Variants in PDE8B observed in about 807,000 individuals in gnomAD.
PDE8B encodes the protein high affinity cAMP-specific and IBMX-insensitive 3',5'-cyclic phosphodiesterase 8B.
PDE8B carries 26 observed loss-of-function variants against 101.3 expected under a neutral mutation model. The ratio of observed to expected loss-of-function variants is 0.26; its 90% CI spans 0.19 to 0.36. The LOEUF is 0.36. PDE8B is among the 10% of genes least tolerant of loss of function. PDE8B has a pLI of 1.00. For missense variants in PDE8B, 810 were observed against 1,163.1 expected (o/e 0.70, Z 4.42); for synonymous variants, 424 against 429.3 (o/e 0.99, Z 0.15).
At chr5:77,240,264 C>T (rs959252291) in intron 1 of PDE8B, among the ~76,000 whole-genome samples, 5 of 152,182 alleles carry the variant, frequency 3.3e-5, no homozygotes, top group Admixed American at 2.6e-4. Flanking sequence ...CGCCATTCTC[C>T]TGCCTCAGCC....
At chr5:77,400,380 TCTA>T (rs954947760) in intron 11 of PDE8B, 90 bp downstream of exon 11, 11 of 866,042 alleles carry the variant, frequency 1.3e-5, no homozygotes, top group Non-Finnish European at 2.0e-5. Flanking sequence ...TAAGTTGACA[TCTA>T]CTACCCCAGA....
chr5:77,103,211 T>C, the PDE8B span, among the ~76,000 whole-genome samples: 2 of 152,208 alleles, frequency 1.3e-5, no homozygotes, highest in Admixed American at 1.3e-4. Context: ...CTTGGTTTAA[T>C]AGGGAGAAAT....
rs188645202 is a variant in PDE8B, at chr5:77,405,682, G to T, written c.1288+885G>T. Among the ~76,000 whole-genome samples, 89 of 152,264 alleles carry T rather than the reference G, an allele frequency of 5.8e-4. 1 individual carries two copies. The highest frequency in any genetic ancestry group is 5.8e-3 in the Admixed American group (89 of 15,298). ...TAGGGCCAGTAAAGAGGACAGAAGAGCTGGGGGTGACCATGAGAGTGCAGT... is the reference window on the plus strand; with the variant it reads ...TAGGGCCAGTAAAGAGGACAGAAGATCTGGGGGTGACCATGAGAGTGCAGT... On this transcript the variant is annotated intron_variant, in intron 12 of 21. Transcript: ENST00000264917.
the PDE8B span, among the ~76,000 whole-genome samples, chr5:77,195,570 G>T: frequency 6.6e-6 from 1 of 152,030 alleles, no homozygotes; most frequent in African/African-American, 2.4e-5. Flanking sequence ...GGTAAGGGAT[G>T]CTGACCCCCT....
intron 1 of PDE8B, among the ~76,000 whole-genome samples, chr5:77,228,678 G>A (rs1316669050): frequency 6.6e-6 from 1 of 152,058 alleles, no homozygotes; most frequent in East Asian, 1.9e-4. Flanking sequence ...ACATATAGAA[G>A]GTATCAGAAA....
At chr5:77,265,892 A>G (rs1761604155) in intron 1 of PDE8B, among the ~76,000 whole-genome samples, 1 of 151,528 alleles carries the variant, frequency 6.6e-6, no homozygotes, top group South Asian at 2.1e-4. Context: ...TAGATGCAGA[A>G]TAGTTCCTTC....
chr5:77,328,155 A>T (rs149225146), intron 3 of PDE8B, among the ~76,000 whole-genome samples: 1 of 152,256 alleles, frequency 6.6e-6, no homozygotes, highest in Non-Finnish European at 1.5e-5. Context: ...AGACCAAGAG[A>T]ATAGGTCAAA....
chr5:77,158,297 C>G, the PDE8B span, among the ~76,000 whole-genome samples: 3 of 152,152 alleles, frequency 2.0e-5, no homozygotes, highest in African/African-American at 7.2e-5. Context: ...TGTAGTGATT[C>G]AAGTCAACAA....
At chr5:77,246,372 A>G (rs1756949521) in intron 1 of PDE8B, among the ~76,000 whole-genome samples, 1 of 152,208 alleles carries the variant, frequency 6.6e-6, no homozygotes, top group African/African-American at 2.4e-5. Context: ...GAGGTCAGGA[A>G]GAGAAAACAA....
At chr5:77,410,708 T>G (rs1008329595) in intron 14 of PDE8B, 5 of 152,180 alleles carry the variant, frequency 3.3e-5, no homozygotes, top group Admixed American at 2.0e-4. Context: ...ATTTACTCAG[T>G]TTTTAAAATT....
chr5:77,421,642 C>T (rs1796666681), intron 19 of PDE8B, among the ~76,000 whole-genome samples, 179 bp from the exon 20 acceptor site: 1 of 151,920 alleles, frequency 6.6e-6, no homozygotes, highest in Non-Finnish European at 1.5e-5. Context: ...TCAGTATATT[C>T]TTTTTTTAAA....
In PDE8B at chr5:77,336,197, T is replaced by C. The variant is rs530492558; in HGVS notation, c.709-1030T>C. Among the ~76,000 whole-genome samples the C allele has an allele frequency of 2.3e-3, 353 of 152,064 alleles. 2 individuals are homozygous for C. The highest frequency in any genetic ancestry group is 8.2e-3 in the African/African-American group (340 of 41,490). Reference sequence around the variant, plus strand: ...GTTTATTTATAAATACATGAAAGCCTTTTTTTTCAATTGAGATGAAACTAA... The same window carrying C: ...GTTTATTTATAAATACATGAAAGCCCTTTTTTTCAATTGAGATGAAACTAA... On this transcript the variant is annotated intron_variant, in intron 5 of 21. Coordinates refer to ENST00000264917, the MANE Select transcript of PDE8B (RefSeq NM_003719.5).
chr5:77,091,871 A>G, the PDE8B span, among the ~76,000 whole-genome samples: 3 of 152,232 alleles, frequency 2.0e-5, no homozygotes, highest in African/African-American at 7.2e-5. Context: ...ATTAGTTCAT[A>G]GAGGAGTTTT....
intron 2 of PDE8B, among the ~76,000 whole-genome samples, chr5:77,317,828 T>G (rs1774095380): frequency 6.6e-6 from 1 of 151,928 alleles, no homozygotes; most frequent in Admixed American, 6.6e-5. Flanking sequence ...TGACCTAAGC[T>G]TTTTCTTAGC....
chr5:77,149,636 A>G, the PDE8B span, among the ~76,000 whole-genome samples: 1 of 152,054 alleles, frequency 6.6e-6, no homozygotes, highest in African/African-American at 2.4e-5. Flanking sequence ...AATTTTTTTA[A>G]TTTTATTTTT....
chr5:77,259,692 A>G (rs1230046085), intron 1 of PDE8B, among the ~76,000 whole-genome samples: 1 of 152,224 alleles, frequency 6.6e-6, no homozygotes, highest in Non-Finnish European at 1.5e-5. Context: ...TCACCCAGCA[A>G]GTCCCCAGCT....
rs71606290 is a variant in PDE8B, at chr5:77,397,026, A to ATTTTTTTTTTTTTTTTTTTTT, written c.1168-3218_1168-3198dup. Among the ~76,000 whole-genome samples the ATTTTTTTTTTTTTTTTTTTTT allele has an allele frequency of 8.6e-4, 73 of 84,400 alleles. 9 individuals carry two copies. Among genetic ancestry groups the ATTTTTTTTTTTTTTTTTTTTT allele is most frequent in the African/African-American group, 2.8e-3 (51 of 18,228 alleles). The allele number at this position is 84,400 out of a possible 152,430, so 55.4% of individuals were successfully genotyped here. A position where few individuals can be genotyped will look rare whatever the true frequency, so the allele number is the denominator to read the frequency against. On this transcript the variant is annotated intron_variant, in intron 10 of 21. Coordinates refer to ENST00000264917, the MANE Select transcript of PDE8B (RefSeq NM_003719.5). ...TTGGTTTCTATATTTCCGATAAGAA[A>ATTTTTTTTTTTTTTTTTTTTT]TTTTTTTTTTTTTTTTTTTTTTTTG...
chr5:77,289,538 T>C (rs775973779), intron 1 of PDE8B, among the ~76,000 whole-genome samples: 7 of 152,218 alleles, frequency 4.6e-5, no homozygotes, highest in Non-Finnish European at 1.0e-4. Context: ...ATGGGGCAGG[T>C]TGGAAGTGTC....
chr5:77,378,966 T>G (rs185007436), intron 10 of PDE8B, among the ~76,000 whole-genome samples: 19 of 152,090 alleles, frequency 1.2e-4, no homozygotes, highest in African/African-American at 4.3e-4. Context: ...TTGAAAGACA[T>G]TAGAGAGAAA....
Sources: gnomAD v4.1 joint callset for allele counts (sites outside exome capture counted in the v4.1 genomes callset) on GRCh38, gnomAD v4.1.1 for gene constraint, MANE v1.5 for transcripts, NCBI Gene and HGNC (gene_info 2026-07-23, HGNC 2026-07-21) for gene names.